EVPL: variants seen among roughly 807,000 people sequenced by gnomAD.
EVPL encodes the protein envoplakin.
Under a neutral mutation model 129.7 loss-of-function variants are expected in EVPL, and 94 were observed. The observed-to-expected ratio is 0.72, with a 90% confidence interval of 0.61 to 0.86. EVPL has a LOEUF of 0.86. Ranked by LOEUF, EVPL falls within the 40% of genes least tolerant of loss-of-function variation. The pLI, the probability that EVPL is intolerant of heterozygous loss-of-function variation, is 0.00. For synonymous variants in EVPL, 1,172 were observed against 1,191.1 expected (o/e 0.98, Z 0.33); for missense variants, 2,625 against 2,721.1 (o/e 0.96, Z 0.79).
rs1555623530 is a variant in EVPL, at chr17:76,007,691, C to T, written c.5514G>A (p.Lys1838=). ...TGGCCACGGCCGTCTTGATGCTGCA[C>T]TTGTTGTCTGTGGTTGTGTCATAGA... ...AGIYDTTTDN[K]CSIKTAVAKN... The change falls in exon 22 of 22, where the codon AAG becomes AAA. Residue 1838 remains lysine, a synonymous_variant. Coordinates refer to ENST00000301607, the MANE Select transcript of EVPL (RefSeq NM_001988.4). The surrounding 1 kb of genome is among the most constrained non-coding windows in gnomAD (Gnocchi z 8.8). The T allele has an allele frequency of 4.3e-6, 7 of 1,613,726 alleles. No homozygotes were observed. The highest frequency in any genetic ancestry group is 2.2e-5 in the East Asian group (1 of 44,870).
rs1470602825 is a variant in EVPL, at chr17:76,009,854, C to T, written c.3351G>A (p.Gln1117=). ...CCCGCTCCAGGTCTTCGATGCGAGC[C>T]TGTAGCTTGGCCACAGCCTCCTCCG... is the stretch of plus-strand genomic sequence containing the variant. The part of the protein sequence containing the change: ...KQAEEAVAKL[Q]ARIEDLERAI... Residue 1117 remains glutamine (Q), a synonymous_variant, in exon 22 of 22, where the codon CAG becomes CAA. Transcript: ENST00000301607. The surrounding 1 kb of genome is among the most constrained non-coding windows in gnomAD (Gnocchi z 5.9). The T allele has an allele frequency of 1.2e-6, 2 of 1,614,112 alleles. No individual in the cohort carries two copies. Among genetic ancestry groups the T allele is most frequent in the Middle Eastern group, 1.6e-4 (1 of 6,062 alleles).
At chr17:76,023,889 C>T (rs997721151) in intron 2 of EVPL, 132 bp downstream of exon 2, 21 of 1,275,162 alleles carry the variant, frequency 1.6e-5, no homozygotes, top group African/African-American at 8.9e-5. Context: ...AGGGGATGGG[C>T]GGTGCAGGAC....
At position 76,008,262 on chromosome 17, in the gene EVPL, TCG is replaced by T. The variant is rs1396678033; in HGVS notation, c.4941_4942del (p.Lys1649GlyfsTer73). On this transcript the variant is annotated frameshift_variant, in exon 22 of 22. Coordinates refer to ENST00000301607, the MANE Select transcript of EVPL (RefSeq NM_001988.4). LOFTEE classifies it high-confidence loss of function. The surrounding 1 kb of genome is among the most constrained non-coding windows in gnomAD (Gnocchi z 7.4). ...CTCCTTCTCGTAGATCTGGTCCTTCTCGCGGAGGATGGCCGCCTCCAGCCGCG... is the reference window on the plus strand; with the variant it reads ...CTCCTTCTCGTAGATCTGGTCCTTCTCGGAGGATGGCCGCCTCCAGCCGCG... 4 of 1,612,978 alleles carry T rather than the reference TCG, an allele frequency of 2.5e-6. No homozygotes were observed. The highest frequency in any genetic ancestry group is 3.3e-4 in the Middle Eastern group (2 of 6,060).
chr17:76,008,719 T>A lies in EVPL; in HGVS notation c.4486A>T (p.Asn1496Tyr), dbSNP rs1409882038. 6.2e-7 allele frequency: 1 copy of A among 1,613,888 alleles called. No individual in the cohort carries two copies. Among genetic ancestry groups the A allele is most frequent in the Admixed American group, 1.7e-5 (1 of 60,026 alleles). The change falls in exon 22 of 22, where the codon AAT becomes TAT. Residue 1496 changes from asparagine to tyrosine, a missense_variant. Physicochemically the swap from Asn to Tyr is moderately radical, Grantham distance 143. Around this residue, in one of 4 missense-constraint regions of EVPL, gnomAD observed 1,453 missense variants for 1,511.8 expected, o/e 0.96. Transcript: ENST00000301607. This position sits in a 1 kb window ranked among gnomAD's most constrained non-coding sequence, Gnocchi z 7.4. ...ACCTGCAGGTTCTTGCACTCCCGATTCAGCTCGGTTACCTGGGTCTTCTCC... is the reference window on the plus strand; with the variant it reads ...ACCTGCAGGTTCTTGCACTCCCGATACAGCTCGGTTACCTGGGTCTTCTCC... Reference protein sequence around the residue: ...DQEKTQVTELNRECKNLQVQI... With the variant: ...DQEKTQVTELYRECKNLQVQI...
chr17:76,014,785 A>G (rs2066404726), intron 17 of EVPL, 131 bp downstream of exon 17: 3 of 1,146,058 alleles, frequency 2.6e-6, no homozygotes, highest in Non-Finnish European at 3.6e-6. Flanking sequence ...TGCTGTTGTT[A>G]TCCCATTTTA....
intron 9 of EVPL, 131 bp from the exon 10 acceptor site, chr17:76,019,784 A>G: frequency 8.6e-7 from 1 of 1,168,792 alleles, no homozygotes; most frequent in Non-Finnish European, 1.2e-6. Flanking sequence ...AAACCAGCTA[A>G]ACACAAACCA....
chr17:76,008,014 G>T lies in EVPL; in HGVS notation c.5191C>A (p.Pro1731Thr). The change falls in exon 22 of 22, where the codon CCC becomes ACC. Residue 1731 changes from proline (P) to threonine (T), a missense_variant. By Grantham distance (38) the Pro-to-Thr change is conservative. This residue lies in a region of EVPL where 1,453 missense variants were observed against 1,511.8 expected (regional missense o/e 0.96). Transcript: ENST00000301607. This position sits in a 1 kb window ranked among gnomAD's most constrained non-coding sequence, Gnocchi z 7.4. ...AGGAGCACAGACTCCTCCCCACAGG[G>T]CCCCGAGGTGGTGACCTCCTCCCAG... is the stretch of plus-strand genomic sequence containing the variant. ...CDWEEVTTSG[P>T]CGEESVLLDR... The T allele has an allele frequency of 6.2e-7, 1 of 1,614,076 alleles. No homozygotes were observed. The highest frequency in any genetic ancestry group is 8.5e-7 in the Non-Finnish European group (1 of 1,180,018).
At chr17:76,023,974 T>C (rs1242402740) in intron 2 of EVPL, 47 bp downstream of exon 2, 20 of 1,576,072 alleles carry the variant, frequency 1.3e-5, no homozygotes, top group Non-Finnish European at 1.5e-5. Context: ...GGGCCTCCCA[T>C]GCCACCCAGC....
chr17:76,025,988 C>T (rs938390827), intron 1 of EVPL, among the ~76,000 whole-genome samples: 3 of 152,266 alleles, frequency 2.0e-5, no homozygotes, highest in Admixed American at 6.5e-5. Flanking sequence ...GTCACCCAGG[C>T]TAGAGGGCAG....
rs868326369 is a variant in EVPL at position 76,009,348 on chromosome 17, C to T, written c.3857G>A (p.Arg1286His). The T allele has an allele frequency of 1.2e-6, 2 of 1,612,884 alleles. No homozygotes were observed. The highest frequency in any genetic ancestry group is 1.7e-6 in the Non-Finnish European group (2 of 1,179,926). Residue 1286 changes from arginine (R) to histidine (H), a missense_variant, in exon 22 of 22, where the codon CGC (arginine) becomes CAC (histidine). Coordinates refer to ENST00000301607, the MANE Select transcript of EVPL (RefSeq NM_001988.4). This position sits in a 1 kb window ranked among gnomAD's most constrained non-coding sequence, Gnocchi z 5.9. ...CAGGCGGATGAGCTGCTCCTGGGAG[C>T]GCCCGTGGCTGTTGACGAGCTCGTT... ...QLNELVNSHG[R>H]SQEQLIRLQG...
chr17:76,017,675 C>T, intron 14 of EVPL, 64 bp downstream of exon 14: 1 of 1,570,096 alleles, frequency 6.4e-7, no homozygotes. Context: ...TCACCTCCCT[C>T]AAGTGTGAGC....
At position 76,007,724 on chromosome 17, in the gene EVPL, G is replaced by A. The variant is rs7342882; in HGVS notation, c.5481C>T (p.Ile1827=). The A allele has an allele frequency of 0.072, 116,883 of 1,612,796 alleles. 11,975 individuals carry two copies. Among genetic ancestry groups the A allele is most frequent in the African/African-American group, 0.5 (37,467 of 74,872 alleles). ...CTGTGGTTGTGTCATAGATCCCGGC[G>A]ATAGGGAAGCTGTCATCACCGAGCC... ...SLGLGDDSFP[I]AGIYDTTTDN... The change falls in exon 22 of 22, where the codon ATC becomes ATT. Residue 1827 remains isoleucine (I), a synonymous_variant. Transcript: ENST00000301607. This position sits in a 1 kb window ranked among gnomAD's most constrained non-coding sequence, Gnocchi z 8.8.
At chr17:76,021,639 A>G (rs752384927) in intron 8 of EVPL, 35 bp downstream of exon 8, 103 of 470,344 alleles carry the variant, frequency 2.2e-4, no homozygotes, top group Non-Finnish European at 3.1e-4. Flanking sequence ...CCCGCCCACC[A>G]CGTCCCTTCT....
rs915011651 is a variant in EVPL, at chr17:76,024,417, C to T, written c.99-297G>A. 1.3e-5 allele frequency among the ~76,000 whole-genome samples: 2 copies of T among 151,866 alleles called. No homozygotes were observed. Among genetic ancestry groups the T allele is most frequent in the South Asian group, 2.1e-4 (1 of 4,820 alleles). On this transcript the variant is annotated intron_variant, in intron 1 of 21. Coordinates refer to ENST00000301607, the MANE Select transcript of EVPL (RefSeq NM_001988.4). This position sits in a 1 kb window ranked among gnomAD's most constrained non-coding sequence, Gnocchi z 4.5. The stretch of plus-strand genomic sequence containing the variant: ...GCCAGCTGTGCTGGCAGTGAGTTCC[C>T]GACCCCACCTAGCTACCTGCCACTT...
chr17:76,015,721 A>G, intron 14 of EVPL, 93 bp from the exon 15 acceptor site: 2 of 1,336,950 alleles, frequency 1.5e-6, no homozygotes, highest in Non-Finnish European at 2.0e-6. Flanking sequence ...TGGAGGCAGT[A>G]GAGTGTGGTG....
rs2066502929 is a variant in EVPL, at chr17:76,027,030, G to T, written c.98+71C>A. 7.4e-6 allele frequency: 7 copies of T among 944,994 alleles called. No homozygotes were observed. In the South Asian group the frequency reaches 1.2e-4, roughly 16 times the overall value. 58.5% of individuals were successfully genotyped at this position (944,994 alleles called of 1,614,324 possible). On this transcript the variant is annotated intron_variant, in intron 1 of 21. Transcript: ENST00000301607. ...CTCTGGGCCGCCGCCGCCGCCAGGT[G>T]GCTCAAGGACCTGGGCCTGGCACCA...
Position 76,007,892 on chromosome 17 carries a change from C to A in EVPL, c.5313G>T (p.Leu1771=), listed in dbSNP as rs1475989395. The change falls in exon 22 of 22, where the codon CTG becomes CTT. Residue 1771 remains leucine (L), a synonymous_variant. Coordinates refer to ENST00000301607, the MANE Select transcript of EVPL (RefSeq NM_001988.4). The surrounding 1 kb of genome is among the most constrained non-coding windows in gnomAD (Gnocchi z 8.8). The part of the protein sequence containing the change: ...EEYHLYKDGH[L]PISEFALLVA... ...CAAGCAGCGCAAACTCGGAGATGGG[C>A]AGGTGGCCGTCCTTGTACAGATGGT... 6.2e-7 allele frequency: 1 copy of A among 1,614,034 alleles called. No individual in the cohort carries two copies. The highest frequency in any genetic ancestry group is 2.2e-5 in the East Asian group (1 of 44,868).
rs886623420 is a variant in EVPL at position 76,024,291 on chromosome 17, G to T, written c.99-171C>A. On this transcript the variant is annotated intron_variant, in intron 1 of 21. Coordinates refer to ENST00000301607, the MANE Select transcript of EVPL (RefSeq NM_001988.4). The surrounding 1 kb of genome is among the most constrained non-coding windows in gnomAD (Gnocchi z 4.5). ...GGCTCTGTGAGCTAGTCCTGGTTGGGGGTGTTAGCACTGCCCCGCCACATG... is the reference window on the plus strand; with the variant it reads ...GGCTCTGTGAGCTAGTCCTGGTTGGTGGTGTTAGCACTGCCCCGCCACATG... Among the ~76,000 whole-genome samples the T allele has an allele frequency of 6.6e-6, 1 of 152,324 alleles. No individual in the cohort carries two copies. Among genetic ancestry groups the T allele is most frequent in the East Asian group, 1.9e-4 (1 of 5,186 alleles).
intron 9 of EVPL, among the ~76,000 whole-genome samples, chr17:76,020,449 G>T (rs979711213): frequency 6.6e-6 from 1 of 152,174 alleles, no homozygotes; most frequent in African/African-American, 2.4e-5. Flanking sequence ...AGCTGCACTT[G>T]TCCCAGCCCC....
Sources: allele counts gnomAD v4.1 joint callset (sites outside exome capture counted in the v4.1 genomes callset), GRCh38; gene constraint gnomAD v4.1.1; regional missense constraint gnomAD v4.1.1; non-coding constraint Gnocchi (gnomAD v3.1); transcripts MANE v1.5; gene names NCBI Gene and HGNC (gene_info 2026-07-23, HGNC 2026-07-21).